The following NLGN1 variants were observed in gnomAD, a reference collection of about 807,000 sequenced individuals.
NLGN1 encodes neuroligin-1.
Under a neutral mutation model 65.5 loss-of-function variants are expected in NLGN1, and 12 were observed. The observed-to-expected ratio is 0.18, with a 90% CI of 0.12 to 0.30. NLGN1 has a LOEUF of 0.30. Among genes scored for constraint, NLGN1 ranks in the 10% least tolerant of loss-of-function variants. The pLI is 1.00. For synonymous variants in NLGN1, 350 were observed against 359.5 expected, an observed-to-expected ratio of 0.97 and a Z score of 0.30; for missense variants, 750 against 1,007.1, an observed-to-expected ratio of 0.74 and a Z score of 3.46.
chr3:173,678,339 A>G (rs1281479950), intron 3 of NLGN1, among the ~76,000 whole-genome samples: 1 of 152,098 alleles, frequency 6.6e-6, no homozygotes, highest in African/African-American at 2.4e-5. Context: ...AATAATTACT[A>G]CACAGATTAA....
At chr3:173,640,960 C>T (rs1757323793) in intron 3 of NLGN1, among the ~76,000 whole-genome samples, 1 of 152,132 alleles carries the variant, frequency 6.6e-6, no homozygotes, top group Non-Finnish European at 1.5e-5. Context: ...TTGGTTAAGA[C>T]AGTGCCCATC....
At chr3:173,578,989 A>G (rs1048852043) in intron 2 of NLGN1, among the ~76,000 whole-genome samples, 1 of 152,254 alleles carries the variant, frequency 6.6e-6, no homozygotes, top group Admixed American at 6.5e-5. Flanking sequence ...TCTAAAAGAA[A>G]ACAGAATCTT....
intron 3 of NLGN1, among the ~76,000 whole-genome samples, chr3:173,675,887 T>TCTCACACACACACACA (rs756157881): frequency 2.9e-5 from 4 of 138,640 alleles, no homozygotes; most frequent in African/African-American, 8.4e-5. Context: ...TCTCTCTCTC[T>TCTCACACACACACACA]CACACACACA....
At chr3:173,912,059 A>G (rs1739720105) in intron 4 of NLGN1, among the ~76,000 whole-genome samples, 1 of 152,234 alleles carries the variant, frequency 6.6e-6, no homozygotes, top group Non-Finnish European at 1.5e-5. Flanking sequence ...TGTATGAAAT[A>G]TAAGCCAGTA....
intron 4 of NLGN1, among the ~76,000 whole-genome samples, chr3:174,062,811 A>G: frequency 6.6e-6 from 1 of 152,086 alleles, no homozygotes; most frequent in Non-Finnish European, 1.5e-5. Flanking sequence ...TAAAATGTAC[A>G]TACTCAGAAT....
At chr3:174,203,933 C>T (rs891279216) in intron 4 of NLGN1, among the ~76,000 whole-genome samples, 2 of 152,094 alleles carry the variant, frequency 1.3e-5, no homozygotes, top group African/African-American at 2.4e-5. Flanking sequence ...TATAGAAATT[C>T]TATTGGAGTC....
At chr3:174,137,610 T>G (rs1448264310) in intron 4 of NLGN1, among the ~76,000 whole-genome samples, 1 of 152,160 alleles carries the variant, frequency 6.6e-6, no homozygotes, top group African/African-American at 2.4e-5. Flanking sequence ...AGGGATTATT[T>G]TTATGCTCTA....
intron 4 of NLGN1, among the ~76,000 whole-genome samples, chr3:173,929,276 G>A (rs1207677392): frequency 6.6e-6 from 1 of 152,154 alleles, no homozygotes. Flanking sequence ...ACCATTGCAG[G>A]ATGATCAGCT....
intron 4 of NLGN1, among the ~76,000 whole-genome samples, chr3:173,879,213 C>A (rs1304961011): frequency 2.7e-5 from 4 of 149,326 alleles, no homozygotes; most frequent in African/African-American, 9.9e-5. Flanking sequence ...GCCTGGGTGA[C>A]AAAGTGACAC....
At chr3:174,269,459 T>A (rs1748925443) in intron 4 of NLGN1, among the ~76,000 whole-genome samples, 1 of 151,926 alleles carries the variant, frequency 6.6e-6, no homozygotes, top group African/African-American at 2.4e-5. Context: ...ACTGGCTTAT[T>A]TCACATAGCA....
At chr3:173,739,465 A>G (rs1039211222) in intron 3 of NLGN1, among the ~76,000 whole-genome samples, 1 of 152,044 alleles carries the variant, frequency 6.6e-6, no homozygotes, top group African/African-American at 2.4e-5. Context: ...AAAAGGAAAC[A>G]TTGCTTATCT....
At chr3:173,403,941 C>T (rs954506375) in intron 1 of NLGN1, among the ~76,000 whole-genome samples, 2 of 151,982 alleles carry the variant, frequency 1.3e-5, no homozygotes, top group African/African-American at 4.8e-5. Context: ...GTTCCGTAAA[C>T]TGCTGAATTT....
chr3:173,808,531 T>G (rs1343135073), intron 4 of NLGN1, among the ~76,000 whole-genome samples: 1 of 152,110 alleles, frequency 6.6e-6, no homozygotes, highest in Non-Finnish European at 1.5e-5. Context: ...CAATAACCAG[T>G]TTTTAAAAGA....
At chr3:173,830,947 C>T (rs1389899084) in intron 4 of NLGN1, among the ~76,000 whole-genome samples, 2 of 152,160 alleles carry the variant, frequency 1.3e-5, no homozygotes, top group African/African-American at 4.8e-5. Context: ...AGAGTAACAT[C>T]AATGAAGAAT....
chr3:173,810,824 A>G (rs1007378843), intron 4 of NLGN1, among the ~76,000 whole-genome samples: 3 of 152,240 alleles, frequency 2.0e-5, no homozygotes, highest in Non-Finnish European at 4.4e-5. Context: ...ACAGGTCAGA[A>G]TTAGTTCTTC....
exon 3 of NLGN1, chr3:173,604,934 A>G (rs1162264368): frequency 6.8e-6 from 11 of 1,613,556 alleles, no homozygotes; most frequent in African/African-American, 5.3e-5. Flanking sequence ...ATGCCACTCA[A>G]TTTGCTCCTG....
intron 4 of NLGN1, among the ~76,000 whole-genome samples, chr3:174,219,065 G>C (rs981727994): frequency 6.6e-6 from 1 of 152,056 alleles, no homozygotes; most frequent in Non-Finnish European, 1.5e-5. Context: ...ATACCCAAGT[G>C]TATTTCAGGC....
intron 4 of NLGN1, among the ~76,000 whole-genome samples, chr3:174,158,664 CACTT>C (rs1370450985): frequency 2.0e-5 from 3 of 151,588 alleles, no homozygotes; most frequent in South Asian, 2.1e-4. Flanking sequence ...GTTTGAGAAA[CACTT>C]AGTTGGAATA....
At chr3:174,222,904 TTTTC>T (rs1357877357) in intron 4 of NLGN1, among the ~76,000 whole-genome samples, 1 of 152,170 alleles carries the variant, frequency 6.6e-6, no homozygotes, top group Non-Finnish European at 1.5e-5. Context: ...AATATAACTT[TTTTC>T]TTTCTACTTC....
Sources: gnomAD v4.1 joint callset for allele counts (sites outside exome capture counted in the v4.1 genomes callset) on GRCh38, gnomAD v4.1.1 for gene constraint, MANE v1.5 for transcripts, NCBI Gene and HGNC (gene_info 2026-07-23, HGNC 2026-07-21) for gene names.